GABBR2: variants seen among roughly 807,000 people sequenced by gnomAD.
The protein encoded by GABBR2 is G-protein coupled receptor 51.
In GABBR2, 23 loss-of-function variants were observed where a neutral mutation model predicts 105.6. The ratio of observed to expected loss-of-function variants is 0.22; its 90% CI spans 0.16 to 0.31. GABBR2 has a LOEUF of 0.31. GABBR2 is among the 10% of genes least tolerant of loss of function. GABBR2 has a pLI of 1.00. For synonymous variants in GABBR2, 478 were observed against 499.7 expected, an observed-to-expected ratio of 0.96 and a Z score of 0.58; for missense variants, 734 against 1,245.5, an observed-to-expected ratio of 0.59 and a Z score of 6.18.
intron 3 of GABBR2, among the ~76,000 whole-genome samples, chr9:98,517,308 C>G (rs1038181559): frequency 6.6e-6 from 1 of 152,174 alleles, no homozygotes; most frequent in Non-Finnish European, 1.5e-5. Flanking sequence ...TTCACCCAGT[C>G]CCACCTTTCC....
chr9:98,583,338 C>T (rs371963417), intron 1 of GABBR2, among the ~76,000 whole-genome samples: 1 of 152,200 alleles, frequency 6.6e-6, no homozygotes, highest in East Asian at 1.9e-4. Flanking sequence ...GGGGCTGGAT[C>T]AGCTTAGAGT....
At chr9:98,359,904 G>A (rs1431715127) in intron 13 of GABBR2, among the ~76,000 whole-genome samples, 2 of 152,152 alleles carry the variant, frequency 1.3e-5, no homozygotes, top group Non-Finnish European at 2.9e-5. Context: ...GCAGGTTCTC[G>A]ACTCCAGCGG....
At chr9:98,350,249 C>T (rs1316893925) in intron 13 of GABBR2, among the ~76,000 whole-genome samples, 1 of 147,582 alleles carries the variant, frequency 6.8e-6, no homozygotes, top group Non-Finnish European at 1.5e-5. Flanking sequence ...TCATTTAATC[C>T]TGCTCTGATA....
At position 98,627,477 on chromosome 9, in the gene GABBR2, C is replaced by T. The variant is rs190166096; in HGVS notation, c.322-49405G>A. Among the ~76,000 whole-genome samples, 7 of 152,328 alleles carry T rather than the reference C, an allele frequency of 4.6e-5. No individual in the cohort carries two copies. The East Asian group carries it at 7.7e-4, about 17-fold the overall frequency. On this transcript the variant is annotated intron_variant, in intron 1 of 18. Transcript: ENST00000259455. Reference sequence around the variant, plus strand: ...TTCTTCCGGCTAATGCAGGAATCATCGGGACATCATGTGAAAGACTGCATT... The same window carrying T: ...TTCTTCCGGCTAATGCAGGAATCATTGGGACATCATGTGAAAGACTGCATT...
At chr9:98,699,920 T>G (rs1026869318) in intron 1 of GABBR2, among the ~76,000 whole-genome samples, 2 of 152,218 alleles carry the variant, frequency 1.3e-5, no homozygotes, top group African/African-American at 4.8e-5. Context: ...CTGGGCAAAC[T>G]ATGCCATTTA....
At chr9:98,315,604 C>T (rs538511941) in intron 13 of GABBR2, among the ~76,000 whole-genome samples, 78 of 152,226 alleles carry the variant, frequency 5.1e-4, no homozygotes, top group Non-Finnish European at 1.0e-3. Flanking sequence ...TGCAGCCACA[C>T]ATGGGGAGAG....
At chr9:98,408,759 A>G (rs1376549950) in intron 7 of GABBR2, among the ~76,000 whole-genome samples, 2 of 152,212 alleles carry the variant, frequency 1.3e-5, no homozygotes, top group Non-Finnish European at 2.9e-5. Context: ...TGAGAAGATC[A>G]AAAGGGTGAT....
intron 7 of GABBR2, among the ~76,000 whole-genome samples, chr9:98,418,019 G>A (rs1247937899): frequency 6.6e-6 from 1 of 152,150 alleles, no homozygotes; most frequent in Non-Finnish European, 1.5e-5. Context: ...CTGGTGGGAG[G>A]CAGAGAATGC....
In GABBR2 at chr9:98,708,557, G is replaced by A; in HGVS notation, c.181C>T (p.Leu61Phe). The change falls in exon 1 of 19, where the codon CTC (leucine) becomes TTC (phenylalanine). Residue 61 changes from leucine (L) to phenylalanine (F), a missense_variant. Physicochemically the swap from Leu to Phe is conservative, Grantham distance 22. Transcript: ENST00000259455. ...GCCACCTCCTTGGTGAGCGGCATGA[G>A]GCCCATGATGGAGAGCGGCGGGCTG... ...PSSPPLSIMG[L>F]MPLTKEVAKG... 3.8e-6 allele frequency: 6 copies of A among 1,571,864 alleles called. No individual in the cohort carries two copies. The highest frequency in any genetic ancestry group is 3.4e-6 in the Non-Finnish European group (4 of 1,162,926).
Position 98,547,869 on chromosome 9 carries a change from T to A in GABBR2, c.460-5826A>T, listed in dbSNP as rs144186143. On this transcript the variant is annotated intron_variant, in intron 2 of 18. Transcript: ENST00000259455. ...TTCTGTGAGTTGCCTGACTTGCTTT[T>A]CAACAGCCTCAGTTTTAAGCCTTAT... 1.8e-3 allele frequency among the ~76,000 whole-genome samples: 219 copies of A among 122,644 alleles called. 38 individuals are homozygous for A. The highest frequency in any genetic ancestry group is 5.3e-3 in the African/African-American group (203 of 38,312). The allele number at this position is 122,644 out of a possible 152,430, so 80.5% of individuals were successfully genotyped here. A position where few individuals can be genotyped will look rare whatever the true frequency, so the allele number is the denominator to read the frequency against.
intron 3 of GABBR2, among the ~76,000 whole-genome samples, chr9:98,520,341 G>GCCTGT (rs1317003051): frequency 8.5e-5 from 13 of 152,220 alleles, no homozygotes; most frequent in African/African-American, 3.1e-4. Flanking sequence ...GCAGGAGAAT[G>GCCTGT]CTACTCTATA....
At chr9:98,304,887 T>C (rs1451594318) in intron 15 of GABBR2, among the ~76,000 whole-genome samples, 1 of 152,220 alleles carries the variant, frequency 6.6e-6, no homozygotes, top group African/African-American at 2.4e-5. Flanking sequence ...TCTTCCTACT[T>C]CAGCCTCCTG....
intron 7 of GABBR2, among the ~76,000 whole-genome samples, chr9:98,429,155 T>TGTGTGTGTGTGTG (rs1554704942): frequency 2.6e-5 from 4 of 151,820 alleles, no homozygotes; most frequent in East Asian, 1.9e-4. Context: ...TGTGTGTGTG[T>TGTGTGTGTGTGTG]TTGAGACAAA....
At chr9:98,685,861 A>AT (rs947325594) in intron 1 of GABBR2, among the ~76,000 whole-genome samples, 49 of 151,430 alleles carry the variant, frequency 3.2e-4, no homozygotes, top group Admixed American at 1.7e-3. Flanking sequence ...TCCCCAGCTA[A>AT]TTTTTTTTTA....
intron 2 of GABBR2, among the ~76,000 whole-genome samples, chr9:98,552,439 A>G (rs1268692052): frequency 6.6e-6 from 1 of 152,168 alleles, no homozygotes; most frequent in Non-Finnish European, 1.5e-5. Context: ...CTGACAAAAC[A>G]CTGTTTGTGG....
At chr9:98,522,696 C>T (rs746041815) in intron 3 of GABBR2, among the ~76,000 whole-genome samples, 19 of 152,148 alleles carry the variant, frequency 1.2e-4, no homozygotes, top group Non-Finnish European at 2.4e-4. Flanking sequence ...AAGATGTACT[C>T]ATGCCACAGA....
Position 98,306,050 on chromosome 9 carries a change from G to A in GABBR2, c.2229+71C>T. 6.1e-6 allele frequency: 6 copies of A among 979,826 alleles called. No individual in the cohort carries two copies. The highest frequency in any genetic ancestry group is 9.5e-6 in the Non-Finnish European group (6 of 630,012). The allele number at this position is 979,826 out of a possible 1,614,324, so 60.7% of individuals were successfully genotyped here. A position where few individuals can be genotyped will look rare whatever the true frequency, so the allele number is the denominator to read the frequency against. On this transcript the variant is annotated intron_variant, in intron 15 of 18. Coordinates refer to ENST00000259455, the MANE Select transcript of GABBR2 (RefSeq NM_005458.8). The surrounding 1 kb of genome is among the most constrained non-coding windows in gnomAD (Gnocchi z 5.4). ...GAATGGGTAAACCTTTTAGAGAATG[G>A]AGAAAAGCCAGCAATGCCCCTGTGC... is the stretch of plus-strand genomic sequence containing the variant.
intron 1 of GABBR2, among the ~76,000 whole-genome samples, chr9:98,592,277 A>G (rs1485831733): frequency 6.6e-6 from 1 of 152,198 alleles, no homozygotes; most frequent in African/African-American, 2.4e-5. Flanking sequence ...GATCTCTCAG[A>G]TCCCTTCCAG....
chr9:98,518,486 C>T (rs1827804109), intron 3 of GABBR2, among the ~76,000 whole-genome samples: 1 of 152,208 alleles, frequency 6.6e-6, no homozygotes, highest in Admixed American at 6.5e-5. Flanking sequence ...TCCTGCTTAC[C>T]CTTTAAGCCC....
Sources: gnomAD v4.1 joint callset for allele counts (sites outside exome capture counted in the v4.1 genomes callset) on GRCh38, gnomAD v4.1.1 for gene constraint, Gnocchi (gnomAD v3.1) non-coding constraint, MANE v1.5 for transcripts, NCBI Gene and HGNC (gene_info 2026-07-23, HGNC 2026-07-21) for gene names.